The following SYN2 variants were observed in gnomAD, a reference collection of about 807,000 sequenced individuals.
SYN2 encodes synapsin II.
Under a neutral mutation model 50.9 loss-of-function variants are expected in SYN2, and 19 were observed. The ratio of observed to expected loss-of-function variants is 0.37; its 90% CI spans 0.26 to 0.55. The LOEUF is 0.55. SYN2 is among the 20% of genes least tolerant of loss of function. The probability of loss-of-function intolerance (pLI) is 0.81; values close to 1 mark genes in which losing one functional copy is unlikely to be tolerated. For synonymous variants in SYN2, 255 were observed against 224.9 expected (o/e 1.13, Z -1.20); for missense variants, 587 against 576.4 (o/e 1.02, Z -0.19).
chr3:12,185,771 C>T (rs1308892262), intron 11 of SYN2: 5 of 985,706 alleles, frequency 5.1e-6, no homozygotes, highest in Non-Finnish European at 6.0e-6. Context: ...CAAGTATCTG[C>T]ACAAATGGGA....
At chr3:12,140,241 A>T (rs1696982589) in intron 1 of SYN2, among the ~76,000 whole-genome samples, 1 of 152,228 alleles carries the variant, frequency 6.6e-6, no homozygotes, top group Non-Finnish European at 1.5e-5. Flanking sequence ...TTCTTTAAAA[A>T]CTAAAAATCC....
At chr3:12,142,607 C>T (rs760629111) in intron 3 of SYN2, among the ~76,000 whole-genome samples, 13 of 152,090 alleles carry the variant, frequency 8.5e-5, no homozygotes, top group African/African-American at 3.1e-4. Flanking sequence ...GTGGTATGCT[C>T]GATGCCTCAT....
chr3:12,126,879 C>T (rs1260108653), intron 1 of SYN2, among the ~76,000 whole-genome samples: 8 of 152,164 alleles, frequency 5.3e-5, no homozygotes, highest in South Asian at 2.1e-4. Context: ...TAACAATCTA[C>T]GGTACTTCTC....
intron 1 of SYN2, among the ~76,000 whole-genome samples, chr3:12,085,936 T>C (rs1695691448): frequency 6.6e-6 from 1 of 151,892 alleles, no homozygotes. Context: ...GGAAAAACAA[T>C]AGAAAATATC....
chr3:12,106,354 G>C (rs1248183869), intron 1 of SYN2, among the ~76,000 whole-genome samples: 2 of 152,128 alleles, frequency 1.3e-5, no homozygotes, highest in East Asian at 3.8e-4. Flanking sequence ...CTATTTTATA[G>C]TCAAATCTGT....
chr3:12,011,244 G>A (rs1693905954), intron 1 of SYN2, among the ~76,000 whole-genome samples: 1 of 152,148 alleles, frequency 6.6e-6, no homozygotes, highest in Non-Finnish European at 1.5e-5. Flanking sequence ...AAGAGAAATT[G>A]CCTTTTTTAT....
intron 1 of SYN2, among the ~76,000 whole-genome samples, chr3:12,132,155 T>A (rs34831171): frequency 1.3e-5 from 2 of 151,566 alleles, no homozygotes; most frequent in African/African-American, 4.9e-5. Flanking sequence ...TGCAGGCACA[T>A]GCCATAGCAC....
At position 12,187,538 on chromosome 3, in the gene SYN2, C is replaced by A. The variant is rs1273868370; in HGVS notation, c.1539C>A (p.Ser513Arg). Residue 513 changes from serine (S) to arginine (R), a missense_variant, in exon 12 of 13, where the codon AGC becomes AGA. Coordinates refer to ENST00000621198, the MANE Select transcript of SYN2 (RefSeq NM_133625.6). ...GPTTHGDAPS[S>R]SSSLAEAQPP... Reference sequence around the variant, plus strand: ...CCACCCACGGAGATGCACCCTCCAGCAGCAGCTCCCTGGCAGAGGCCCAGC... The same window carrying A: ...CCACCCACGGAGATGCACCCTCCAGAAGCAGCTCCCTGGCAGAGGCCCAGC... 2 of 1,552,484 alleles carry A rather than the reference C, an allele frequency of 1.3e-6. No homozygotes were observed. Among genetic ancestry groups the A allele is most frequent in the Non-Finnish European group, 1.7e-6 (2 of 1,147,310 alleles).
intron 1 of SYN2, among the ~76,000 whole-genome samples, chr3:12,028,815 A>G (rs1694320789): frequency 6.8e-6 from 1 of 146,086 alleles, no homozygotes; most frequent in Admixed American, 6.8e-5. Context: ...ATTTTCTTCC[A>G]TGTTGTAGGT....
chr3:12,127,717 A>G (rs1248260360), intron 1 of SYN2, among the ~76,000 whole-genome samples: 1 of 152,208 alleles, frequency 6.6e-6, no homozygotes, highest in Admixed American at 6.5e-5. Flanking sequence ...CTGCTGCGCC[A>G]TGGTGGTGAG....
At chr3:12,026,818 C>A (rs1190832516) in intron 1 of SYN2, among the ~76,000 whole-genome samples, 1 of 152,152 alleles carries the variant, frequency 6.6e-6, no homozygotes, top group Non-Finnish European at 1.5e-5. Flanking sequence ...TGCATAGTTG[C>A]TAATCTGCAA....
chr3:12,055,349 C>T (rs932687856), intron 1 of SYN2, among the ~76,000 whole-genome samples: 3 of 151,932 alleles, frequency 2.0e-5, no homozygotes, highest in African/African-American at 7.2e-5. Flanking sequence ...TTAAGAGATG[C>T]AGCAAAGGCA....
intron 1 of SYN2, among the ~76,000 whole-genome samples, chr3:12,041,948 C>T (rs929098404): frequency 6.6e-6 from 1 of 152,178 alleles, no homozygotes; most frequent in Admixed American, 6.5e-5. Context: ...CCTGCCTGTC[C>T]TTCTAAGACA....
intron 1 of SYN2, among the ~76,000 whole-genome samples, chr3:12,060,961 C>A (rs965738730): frequency 2.6e-5 from 4 of 151,868 alleles, no homozygotes; most frequent in African/African-American, 9.7e-5. Flanking sequence ...AAAGTAACTA[C>A]GATTAATATG....
chr3:12,004,704 C>T lies in SYN2; in HGVS notation c.153C>T (p.Pro51=). The stretch of plus-strand genomic sequence containing the variant: ...GCGCCGCCTCGGCCTCGGCGGCGCC[C>T]CCGACCGCCTCGCCGGGCCCGGAGC... The part of the protein sequence containing the change: ...GPGAASASAA[P]PTASPGPERR... Residue 51 remains proline (P), a synonymous_variant, in exon 1 of 13, where the codon CCC becomes CCT. Transcript: ENST00000621198. 1 of 166,538 alleles carries T rather than the reference C, an allele frequency of 6.0e-6. No individual in the cohort carries two copies. The highest frequency in any genetic ancestry group is 1.3e-5 in the Non-Finnish European group (1 of 79,520). 10.3% of individuals were successfully genotyped at this position (166,538 alleles called of 1,614,324 possible).
chr3:12,126,860 T>A (rs1454774366), intron 1 of SYN2, among the ~76,000 whole-genome samples: 1 of 152,246 alleles, frequency 6.6e-6, no homozygotes, highest in Non-Finnish European at 1.5e-5. Flanking sequence ...TTGGTGCTTG[T>A]ACTTTAGATA....
At position 12,024,531 on chromosome 3, in the gene SYN2, T is replaced by C. The variant is rs551422567; in HGVS notation, c.377+19603T>C. Among the ~76,000 whole-genome samples the C allele has an allele frequency of 3.3e-5, 5 of 152,334 alleles. No homozygotes were observed. In the South Asian group the frequency reaches 1.0e-3, roughly 32 times the overall value. ...ACTTTTGAGCTTTATATAAACGAAA[T>C]CCTACAGTAGAAACTCTTTTTGTGT... is the stretch of plus-strand genomic sequence containing the variant. On this transcript the variant is annotated intron_variant, in intron 1 of 12. Coordinates refer to ENST00000621198, the MANE Select transcript of SYN2 (RefSeq NM_133625.6).
chr3:12,187,398 C>A lies in SYN2; in HGVS notation c.1399C>A (p.Pro467Thr), dbSNP rs1698362442. The A allele has an allele frequency of 1.3e-6, 2 of 1,549,150 alleles. No homozygotes were observed. Among genetic ancestry groups the A allele is most frequent in the Non-Finnish European group, 1.7e-6 (2 of 1,144,976 alleles). ...CCCTGGGCAACCCCAAGGAATGCAG[C>A]CCCCAGGCAAGGTGCTGCCTCCACG... ...GGPGQPQGMQ[P>T]PGKVLPPRRL... is the part of the protein sequence containing the mutation. Residue 467 changes from proline (P) to threonine (T), a missense_variant, in exon 12 of 13, where the codon CCC becomes ACC. By Grantham distance (38) the Pro-to-Thr change is conservative (BLOSUM62 -1). Coordinates refer to ENST00000621198, the MANE Select transcript of SYN2 (RefSeq NM_133625.6).
chr3:12,012,152 A>G (rs1007636913), intron 1 of SYN2, among the ~76,000 whole-genome samples: 2 of 151,876 alleles, frequency 1.3e-5, no homozygotes, highest in African/African-American at 2.4e-5. Context: ...TCAAAAGGCA[A>G]TATAACTTAG....
Sources: gnomAD v4.1 joint callset for allele counts (sites outside exome capture counted in the v4.1 genomes callset) on GRCh38, gnomAD v4.1.1 for gene constraint, MANE v1.5 for transcripts, NCBI Gene and HGNC (gene_info 2026-07-23, HGNC 2026-07-21) for gene names.